The following RANBP2 variants were observed in gnomAD, a reference collection of about 807,000 sequenced individuals.
RANBP2 encodes E3 SUMO-protein ligase RanBP2.
RANBP2 carries 57 observed loss-of-function variants against 303.6 expected under a neutral mutation model. That is an observed-to-expected ratio of 0.19 (90% CI 0.15 to 0.23). RANBP2 has a LOEUF of 0.23. RANBP2 is among the 10% of genes least tolerant of loss of function. The pLI is 1.00. For synonymous variants in RANBP2, 1,167 were observed against 1,301.5 expected (o/e 0.90, Z 2.23); for missense variants, 3,138 against 3,780.8 (o/e 0.83, Z 4.46).
chr2:109,593,795 G>A, the RANBP2 span, among the ~76,000 whole-genome samples: 1 of 152,156 alleles, frequency 6.6e-6, no homozygotes, highest in Non-Finnish European at 1.5e-5. Flanking sequence ...CAAATGTCAA[G>A]AATGCTACAA....
the RANBP2 span, among the ~76,000 whole-genome samples, chr2:108,800,165 CCTT>C: frequency 6.6e-6 from 1 of 152,090 alleles, no homozygotes; most frequent in Non-Finnish European, 1.5e-5. Context: ...ATATTCAAGA[CCTT>C]CTGGTTAATG....
At chr2:109,307,928 G>A in the RANBP2 span, among the ~76,000 whole-genome samples, 3 of 127,894 alleles carry the variant, frequency 2.3e-5, no homozygotes, top group Non-Finnish European at 4.8e-5. Flanking sequence ...TAGTCCTTTG[G>A]GTATATACCC....
chr2:109,585,819 G>T, the RANBP2 span: 2 of 1,612,484 alleles, frequency 1.2e-6, no homozygotes, highest in South Asian at 1.1e-5. Flanking sequence ...CATAGTCAAC[G>T]AACGAATGTT....
the RANBP2 span, among the ~76,000 whole-genome samples, chr2:109,369,793 C>T: frequency 6.6e-6 from 1 of 152,212 alleles, no homozygotes; most frequent in Non-Finnish European, 1.5e-5. Flanking sequence ...CCTACGGCCC[C>T]CTCCGCTCCC....
At chr2:108,728,725 A>G (rs916838802) in intron 1 of RANBP2, among the ~76,000 whole-genome samples, 2 of 151,720 alleles carry the variant, frequency 1.3e-5, no homozygotes, top group Non-Finnish European at 2.9e-5. Context: ...GCTCACTGCA[A>G]CCTCCACCTC....
At chr2:108,804,047 C>T in the RANBP2 span, among the ~76,000 whole-genome samples, 4 of 152,016 alleles carry the variant, frequency 2.6e-5, no homozygotes, top group Non-Finnish European at 5.9e-5. Context: ...TGCTTAGATT[C>T]TCTGATCTCT....
the RANBP2 span, among the ~76,000 whole-genome samples, chr2:109,063,845 AT>A: frequency 1.3e-5 from 2 of 151,656 alleles, no homozygotes; most frequent in Non-Finnish European, 2.9e-5. Flanking sequence ...CTGCAAAGAG[AT>A]TTTTTTCCCC....
At chr2:108,952,340 T>G in the RANBP2 span, among the ~76,000 whole-genome samples, 2 of 152,204 alleles carry the variant, frequency 1.3e-5, no homozygotes, top group African/African-American at 4.8e-5. Flanking sequence ...ACTTTAAATA[T>G]CAGGATTTTG....
chr2:109,434,667 T>C, the RANBP2 span, among the ~76,000 whole-genome samples: 1 of 152,210 alleles, frequency 6.6e-6, no homozygotes, highest in Non-Finnish European at 1.5e-5. Context: ...CATCCTTGCC[T>C]GTGCTGTAGT....
the RANBP2 span, chr2:109,737,207 T>C: frequency 1.3e-6 from 1 of 793,648 alleles, no homozygotes; most frequent in Non-Finnish European, 2.1e-6. Flanking sequence ...CTCTCTTTGC[T>C]GTTAGCAACT....
chr2:109,480,513 A>G, the RANBP2 span, among the ~76,000 whole-genome samples: 1 of 152,258 alleles, frequency 6.6e-6, no homozygotes, highest in South Asian at 2.1e-4. Context: ...TAGGGAGGTG[A>G]CATCAGACTG....
the RANBP2 span, among the ~76,000 whole-genome samples, chr2:109,247,786 A>G: frequency 0.02 from 3,019 of 152,288 alleles, 109 homozygotes; most frequent in African/African-American, 0.068. Flanking sequence ...TTTTTATTTA[A>G]CTCACTGTTG....
At chr2:109,602,049 CAG>C in the RANBP2 span, among the ~76,000 whole-genome samples, 1 of 152,280 alleles carries the variant, frequency 6.6e-6, no homozygotes, top group East Asian at 1.9e-4. Context: ...AGTTGTCTAA[CAG>C]AGAAATGAGC....
At chr2:108,949,824 G>A in the RANBP2 span, among the ~76,000 whole-genome samples, 2 of 152,318 alleles carry the variant, frequency 1.3e-5, no homozygotes, top group South Asian at 4.1e-4. Flanking sequence ...TCATGGGTTA[G>A]GTCTTCATGG....
At chr2:108,922,656 C>T in the RANBP2 span, among the ~76,000 whole-genome samples, 14 of 152,106 alleles carry the variant, frequency 9.2e-5, no homozygotes, top group Non-Finnish European at 1.8e-4. Context: ...AGGGTCAGCT[C>T]CTCCTCCACC....
At chr2:109,025,358 A>G in the RANBP2 span, among the ~76,000 whole-genome samples, 1 of 152,164 alleles carries the variant, frequency 6.6e-6, no homozygotes, top group African/African-American at 2.4e-5. Flanking sequence ...TTGGGTATAT[A>G]TTAAGGAGTG....
At chr2:109,576,020 A>C in the RANBP2 span, among the ~76,000 whole-genome samples, 1 of 151,986 alleles carries the variant, frequency 6.6e-6, no homozygotes, top group South Asian at 2.1e-4. Flanking sequence ...TGTTTGGGAG[A>C]CCAAGGCAGG....
chr2:108,911,172 G>C, the RANBP2 span: 1 of 1,451,808 alleles, frequency 6.9e-7, no homozygotes, highest in African/African-American at 1.4e-5. Flanking sequence ...CTGCCCCTGG[G>C]ATGCTTTCAG....
the RANBP2 span, among the ~76,000 whole-genome samples, chr2:109,017,378 C>T: frequency 6.6e-6 from 1 of 152,232 alleles, no homozygotes; most frequent in African/African-American, 2.4e-5. Flanking sequence ...AGCCCCTGTC[C>T]CTGCTGTCCA....
Sources: gnomAD v4.1 joint callset for allele counts (sites outside exome capture counted in the v4.1 genomes callset) on GRCh38, gnomAD v4.1.1 for gene constraint, MANE v1.5 for transcripts, NCBI Gene and HGNC (gene_info 2026-07-23, HGNC 2026-07-21) for gene names.